IL7: variants seen among roughly 807,000 people sequenced by gnomAD.
IL7 encodes the protein interleukin 7, also known as interleukin-7.
Under a neutral mutation model 21.6 loss-of-function variants are expected in IL7, and 3 were observed. The ratio of observed to expected loss-of-function variants is 0.14; its 90% CI spans 0.06 to 0.36. The LOEUF is 0.36. Among genes scored for constraint, IL7 ranks in the 10% least tolerant of loss-of-function variants. IL7 has a pLI of 1.00. For synonymous variants in IL7, 62 were observed against 68.1 expected (o/e 0.91, Z 0.44); for missense variants, 175 against 200.2 (o/e 0.87, Z 0.76).
intron 3 of IL7, among the ~76,000 whole-genome samples, chr8:78,738,838 GA>G (rs1445843865): frequency 1.3e-5 from 2 of 152,154 alleles, no homozygotes; most frequent in African/African-American, 2.4e-5. Flanking sequence ...GAAGTTCTTA[GA>G]ACTTGGTTTA....
chr8:78,694,019 G>A (rs1810311563), intron 3 of IL7, among the ~76,000 whole-genome samples: 1 of 152,080 alleles, frequency 6.6e-6, no homozygotes, highest in Admixed American at 6.6e-5. Flanking sequence ...TTTTTGTCAG[G>A]TTTGTCAAAG....
intron 3 of IL7, among the ~76,000 whole-genome samples, chr8:78,686,292 G>A (rs1809968468): frequency 6.6e-6 from 1 of 152,018 alleles, no homozygotes; most frequent in South Asian, 2.1e-4. Context: ...ATATAAAATT[G>A]CAATGTAGTT....
At chr8:78,675,980 C>A (rs1809566578) in exon 5 of IL7, 2 of 774,506 alleles carry the variant, frequency 2.6e-6, no homozygotes, top group Non-Finnish European at 4.1e-6. Context: ...TTAATGGGTA[C>A]TATTCTTTGT....
chr8:78,682,736 C>T (rs1809829943), intron 4 of IL7, among the ~76,000 whole-genome samples: 3 of 152,186 alleles, frequency 2.0e-5, no homozygotes, highest in Admixed American at 1.3e-4. Context: ...CCCCCAAAGT[C>T]TTAACTCATT....
At chr8:78,712,418 G>A (rs1172788118) in intron 3 of IL7, among the ~76,000 whole-genome samples, 2 of 151,826 alleles carry the variant, frequency 1.3e-5, no homozygotes, top group African/African-American at 2.4e-5. Flanking sequence ...AGGGTTTTTT[G>A]TAATAGTAGT....
At chr8:78,716,370 A>G (rs2953476), downstream of IL7, among the ~76,000 whole-genome samples, 120,417 of 151,736 alleles carry the variant, frequency 0.79, 48,029 homozygotes, top group East Asian at 0.91. Flanking sequence ...TGATCCACCC[A>G]CCTTGGCCTC....
intron 4 of IL7, among the ~76,000 whole-genome samples, chr8:78,676,551 TTAATG>T (rs1206007411): frequency 6.6e-6 from 1 of 151,998 alleles, no homozygotes; most frequent in African/African-American, 2.4e-5. Flanking sequence ...TATTAATACT[TTAATG>T]TAAGACAGAA....
intron 3 of IL7, chr8:78,689,139 A>G (rs564507665): frequency 2.2e-5 from 23 of 1,039,904 alleles, no homozygotes; most frequent in Non-Finnish European, 2.5e-5. Context: ...TATTTTTTGA[A>G]TGACTGCATA....
chr8:78,735,805 A>C (rs1811573557), intron 5 of IL7, among the ~76,000 whole-genome samples: 1 of 152,164 alleles, frequency 6.6e-6, no homozygotes, highest in South Asian at 2.1e-4. Flanking sequence ...CTATTGGTCA[A>C]ATAATGGAAA....
chr8:78,689,490 A>C, intron 3 of IL7: 1 of 839,482 alleles, frequency 1.2e-6, no homozygotes, highest in Non-Finnish European at 1.7e-6. Context: ...TTTTATAGAT[A>C]TATAGTTTTA....
intron 2 of IL7, chr8:78,747,062 T>A (rs1414520857): frequency 4.4e-6 from 2 of 456,596 alleles, no homozygotes; most frequent in African/African-American, 4.0e-5. Flanking sequence ...CTGCTTCCTT[T>A]CTGTTCTTTT....
At chr8:78,762,037 T>C in intron 2 of IL7, 1 of 1,601,868 alleles carries the variant, frequency 6.2e-7, no homozygotes. Flanking sequence ...TGTTGGTTTC[T>C]TTATGTTTTT....
chr8:78,697,438 C>T (rs760921799), intron 3 of IL7: 1 of 1,606,258 alleles, frequency 6.2e-7, no homozygotes, highest in Admixed American at 1.7e-5. Flanking sequence ...AAGTCAAATT[C>T]TCCTGGAACT....
At chr8:78,687,846 TA>T in intron 3 of IL7, among the ~76,000 whole-genome samples, 1 of 100,266 alleles carries the variant, frequency 1.0e-5, no homozygotes, top group Non-Finnish European at 2.3e-5. Context: ...ATTATATATA[TA>T]TTTATATAAT....
chr8:78,752,248 G>A (rs1119642), intron 2 of IL7, among the ~76,000 whole-genome samples: 35,699 of 152,096 alleles, frequency 0.23, 4,914 homozygotes, highest in African/African-American at 0.38. Flanking sequence ...AGTTACAGGT[G>A]TCCCTTTAAT....
intron 2 of IL7, among the ~76,000 whole-genome samples, chr8:78,781,765 G>A (rs1250577544): frequency 6.6e-6 from 1 of 152,066 alleles, no homozygotes; most frequent in Non-Finnish European, 1.5e-5. Context: ...CTGTTGCCCT[G>A]TCTTGCTAGG....
chr8:78,760,369 A>T lies in IL7; in HGVS notation c.148-20287T>A, dbSNP rs577329737. On this transcript the variant is annotated intron_variant, in intron 2 of 5. Coordinates refer to ENST00000263851, the MANE Select transcript of IL7 (RefSeq NM_000880.4). ...TCATTCTCAACCTTCATCACAGAAG[A>T]ATACACAGGACCTTCAGCAATGCAT... 7.2e-4 allele frequency: 1,167 copies of T among 1,610,748 alleles called. 1 individual carries two copies. Among genetic ancestry groups the T allele is most frequent in the Non-Finnish European group, 9.3e-4 (1,101 of 1,179,470 alleles).
chr8:78,744,994 G>C (rs1025225179), intron 2 of IL7, among the ~76,000 whole-genome samples: 1 of 152,168 alleles, frequency 6.6e-6, no homozygotes, highest in African/African-American at 2.4e-5. Flanking sequence ...TTGTTTCCTT[G>C]ATTAGTCCCA....
At chr8:78,798,615 G>C (rs1446558579) in intron 1 of IL7, among the ~76,000 whole-genome samples, 1 of 151,794 alleles carries the variant, frequency 6.6e-6, no homozygotes, top group Non-Finnish European at 1.5e-5. Flanking sequence ...GCACGTAATT[G>C]TATATTTTTG....
Sources: gnomAD v4.1 joint callset for allele counts (sites outside exome capture counted in the v4.1 genomes callset) on GRCh38, gnomAD v4.1.1 for gene constraint, MANE v1.5 for transcripts, NCBI Gene and HGNC (gene_info 2026-07-23, HGNC 2026-07-21) for gene names.